Variants in SYNGR1 observed in about 807,000 individuals in gnomAD.
SYNGR1 encodes synaptogyrin-1.
A neutral mutation model predicts 26.1 loss-of-function variants in SYNGR1; 14 were observed. The ratio of observed to expected loss-of-function variants is 0.54; its 90% CI spans 0.35 to 0.84. SYNGR1 has a LOEUF of 0.84. SYNGR1 is among the 40% of genes least tolerant of loss of function. The probability of loss-of-function intolerance (pLI) is 0.01; values close to 1 mark genes in which losing one functional copy is unlikely to be tolerated. For missense variants in SYNGR1, 319 were observed against 332.9 expected (o/e 0.96, Z 0.33); for synonymous variants, 141 against 150.1 (o/e 0.94, Z 0.44).
rs186687266 is a variant in SYNGR1, at chr22:39,380,856, A to G, written c.484-840A>G. ...GGCTGGTCTCAAACTCCTGACCTCA[A>G]GTAATCTGCCCATCTTGGCCTCTCA... is the stretch of plus-strand genomic sequence containing the variant. On this transcript the variant is annotated intron_variant, in intron 3 of 3. Coordinates refer to ENST00000328933, the MANE Select transcript of SYNGR1 (RefSeq NM_004711.5). 4.4e-4 allele frequency among the ~76,000 whole-genome samples: 67 copies of G among 152,110 alleles called. 1 individual carries two copies. In the Middle Eastern group the frequency reaches 0.01, roughly 23 times the overall value.
chr22:39,378,405 C>G (rs1327346343), intron 3 of SYNGR1: 3 of 969,148 alleles, frequency 3.1e-6, no homozygotes, highest in Non-Finnish European at 1.2e-6. Context: ...TCATTCTTCT[C>G]TCCAGAGAGT....
intron 1 of SYNGR1, among the ~76,000 whole-genome samples, chr22:39,362,912 G>A (rs1392900678): frequency 6.6e-6 from 1 of 152,202 alleles, no homozygotes; most frequent in African/African-American, 2.4e-5. Context: ...GTCTGGGGGA[G>A]AGACGTGCAC....
intron 3 of SYNGR1, among the ~76,000 whole-genome samples, chr22:39,380,343 C>T (rs1289029012): frequency 6.6e-6 from 1 of 152,126 alleles, no homozygotes; most frequent in African/African-American, 2.4e-5. Context: ...CAACAAAGTC[C>T]AAGGCTGTGG....
At chr22:39,381,641 C>T in intron 3 of SYNGR1, 55 bp from the exon 4 acceptor site, 1 of 1,591,296 alleles carries the variant, frequency 6.3e-7, no homozygotes, top group Non-Finnish European at 8.6e-7. Flanking sequence ...TTGTCTGTCT[C>T]TCCCCTAACC....
At chr22:39,357,336 G>A (rs943276434) in intron 1 of SYNGR1, among the ~76,000 whole-genome samples, 2 of 152,152 alleles carry the variant, frequency 1.3e-5, no homozygotes, top group African/African-American at 4.8e-5. Context: ...GGGGGCACTG[G>A]GCCCCAGGTC....
intron 3 of SYNGR1, among the ~76,000 whole-genome samples, chr22:39,379,111 C>T (rs2145634095): frequency 6.6e-6 from 1 of 152,276 alleles, no homozygotes; most frequent in South Asian, 2.1e-4. Flanking sequence ...CAAGTGTACC[C>T]TCAGGGGGCT....
Position 39,374,191 on chromosome 22 carries a change from G to C in SYNGR1, c.100-125G>C, listed in dbSNP as rs1421989639. 6 of 845,252 alleles carry C rather than the reference G, an allele frequency of 7.1e-6. No individual in the cohort carries two copies. In the East Asian group the frequency reaches 1.5e-4, roughly 21 times the overall value. The allele number at this position is 845,252 out of a possible 1,614,324, so 52.4% of individuals were successfully genotyped here. On this transcript the variant is annotated intron_variant, in intron 1 of 3. Transcript: ENST00000328933. ...CTGGGGATCCCCCTCTGAAATGCCT[G>C]CTTAACCCGGGTCTTGTAGCTCACG...
intron 1 of SYNGR1, among the ~76,000 whole-genome samples, chr22:39,363,217 C>T (rs1474163942): frequency 1.3e-5 from 2 of 148,882 alleles, no homozygotes; most frequent in Non-Finnish European, 3.0e-5. Flanking sequence ...GGAGCCCTGG[C>T]GTTTGGTGGG....
intron 1 of SYNGR1, among the ~76,000 whole-genome samples, chr22:39,360,177 G>A (rs1249241359): frequency 2.6e-5 from 4 of 152,122 alleles, no homozygotes; most frequent in South Asian, 2.1e-4. Flanking sequence ...CTGCAGCCTC[G>A]TGAGCCTGTT....
At chr22:39,378,523 C>T (rs1374069718) in intron 3 of SYNGR1, 14 of 918,904 alleles carry the variant, frequency 1.5e-5, no homozygotes, top group Non-Finnish European at 1.7e-5. Context: ...CTGCTTGAGG[C>T]CCCCAGCTGC....
At chr22:39,369,013 G>A (rs1403148397) in intron 1 of SYNGR1, among the ~76,000 whole-genome samples, 1 of 152,232 alleles carries the variant, frequency 6.6e-6, no homozygotes, top group African/African-American at 2.4e-5. Flanking sequence ...GGCTCGGAGA[G>A]GTTAAGTCAC....
At chr22:39,373,932 T>A (rs1002402164) in intron 1 of SYNGR1, among the ~76,000 whole-genome samples, 3 of 151,612 alleles carry the variant, frequency 2.0e-5, no homozygotes, top group Non-Finnish European at 4.4e-5. Flanking sequence ...AGCCTGGGGG[T>A]GGGGGCTGGG....
At position 39,374,570 on chromosome 22, in the gene SYNGR1, A is replaced by T. The variant is rs1925186954; in HGVS notation, c.337+17A>T. ...GTGTCTCGGGTGAGCCCCACCCAGC[A>T]GGTACCCCCTGCACAGAGTCTACAG... On this transcript the variant is annotated intron_variant, in intron 2 of 3. Transcript: ENST00000328933. 6.2e-7 allele frequency: 1 copy of T among 1,611,950 alleles called. No individual in the cohort carries two copies. The highest frequency in any genetic ancestry group is 1.3e-5 in the African/African-American group (1 of 74,910).
In SYNGR1 at chr22:39,383,338, G is replaced by A. The variant is rs1230749239; in HGVS notation, c.*1424G>A. 1 of 152,564 alleles carries A rather than the reference G, an allele frequency of 6.6e-6. No individual in the cohort carries two copies. The highest frequency in any genetic ancestry group is 2.1e-4 in the South Asian group (1 of 4,828). The allele number at this position is 152,564 out of a possible 1,614,324, so 9.5% of individuals were successfully genotyped here. A position where few individuals can be genotyped will look rare whatever the true frequency, so the allele number is the denominator to read the frequency against. Reference sequence around the variant, plus strand: ...ACACAGGCAAGAGCCCCTGAGGCATGGGAGGCCCAGGGAAGACCATGGGCT... The same window carrying A: ...ACACAGGCAAGAGCCCCTGAGGCATAGGAGGCCCAGGGAAGACCATGGGCT... On this transcript the variant is annotated 3_prime_UTR_variant, in exon 4 of 4. Transcript: ENST00000328933.
chr22:39,372,748 C>T (rs1343723055), intron 1 of SYNGR1, among the ~76,000 whole-genome samples: 3 of 152,040 alleles, frequency 2.0e-5, no homozygotes, highest in African/African-American at 4.8e-5. Context: ...GGATTACAGG[C>T]GTGAGCCACT....
At chr22:39,370,781 C>A (rs1601661200) in intron 1 of SYNGR1, among the ~76,000 whole-genome samples, 2 of 152,168 alleles carry the variant, frequency 1.3e-5, no homozygotes, top group East Asian at 3.9e-4. Context: ...CCACGCCCAG[C>A]TAATTTTTTG....
intron 1 of SYNGR1, among the ~76,000 whole-genome samples, chr22:39,368,330 A>C (rs1417013416): frequency 6.6e-6 from 1 of 152,208 alleles, no homozygotes; most frequent in Admixed American, 6.5e-5. Context: ...CACTGGTCCA[A>C]GTGGCCACAC....
In SYNGR1 at chr22:39,350,528, C is replaced by T. The variant is rs1923855857; in HGVS notation, c.99+419C>T. Among the ~76,000 whole-genome samples the T allele has an allele frequency of 6.6e-6, 1 of 152,114 alleles. No individual in the cohort carries two copies. The highest frequency in any genetic ancestry group is 6.5e-5 in the Admixed American group (1 of 15,280). On this transcript the variant is annotated intron_variant, in intron 1 of 3. Coordinates refer to ENST00000328933, the MANE Select transcript of SYNGR1 (RefSeq NM_004711.5). The surrounding 1 kb of genome is among the most constrained non-coding windows in gnomAD (Gnocchi z 4.3). The stretch of plus-strand genomic sequence containing the variant: ...GGGGGTGGATCAGGGCGTGGACCAT[C>T]TCGGTGGGGTGCATGCCGCGCCTGC...
intron 3 of SYNGR1, chr22:39,377,193 G>C (rs1028472293): frequency 3.5e-6 from 5 of 1,444,086 alleles, no homozygotes; most frequent in Non-Finnish European, 4.5e-6. Context: ...TTTGCCCCGG[G>C]TTGACGTCTT....
Sources: allele counts gnomAD v4.1 joint callset (sites outside exome capture counted in the v4.1 genomes callset), GRCh38; gene constraint gnomAD v4.1.1; non-coding constraint Gnocchi (gnomAD v3.1); transcripts MANE v1.5; gene names NCBI Gene and HGNC (gene_info 2026-07-23, HGNC 2026-07-21).